Variants in DPP9 observed in about 807,000 individuals in gnomAD.
The protein encoded by DPP9 is dipeptidyl peptidase 9, also known as dipeptidyl peptidase IV-related protein-2.
In DPP9, 50 loss-of-function variants were observed where a neutral mutation model predicts 110.7. That is an observed-to-expected ratio of 0.45 (90% CI 0.36 to 0.57). The LOEUF is 0.57. Ranked by LOEUF, DPP9 falls within the 20% of genes least tolerant of loss-of-function variation. The pLI, the probability that DPP9 is intolerant of heterozygous loss-of-function variation, is 0.00. For synonymous variants in DPP9, 561 were observed against 514.4 expected, an observed-to-expected ratio of 1.09 and a Z score of -1.23; for missense variants, 1,022 against 1,217.9, an observed-to-expected ratio of 0.84 and a Z score of 2.39.
At chr19:4,683,130 G>A (rs1444853087) in intron 19 of DPP9, 11 of 1,468,402 alleles carry the variant, frequency 7.5e-6, no homozygotes, top group Non-Finnish European at 9.9e-6. Flanking sequence ...CCGCCGCCCC[G>A]CAGTGCCCTG....
In DPP9 at chr19:4,694,279, T is replaced by C; in HGVS notation, c.1516+382A>G. On this transcript the variant is annotated intron_variant, in intron 13 of 21. Coordinates refer to ENST00000262960, the MANE Select transcript of DPP9 (RefSeq NM_139159.5). This position sits in a 1 kb window ranked among gnomAD's most constrained non-coding sequence, Gnocchi z 4.0. ...AGTTTCTGCTGGGACTACCCAGTTC[T>C]GCTGCTGCAGCACAAAAGCGACCAC... 2.6e-6 allele frequency: 1 copy of C among 384,162 alleles called. No homozygotes were observed. Among genetic ancestry groups the C allele is most frequent in the Non-Finnish European group, 4.7e-6 (1 of 214,364 alleles). 23.8% of individuals were successfully genotyped at this position (384,162 alleles called of 1,614,324 possible). A position where few individuals can be genotyped will look rare whatever the true frequency, so the allele number is the denominator to read the frequency against.
chr19:4,719,737 G>T, intron 3 of DPP9, 114 bp downstream of exon 3: 2 of 1,245,474 alleles, frequency 1.6e-6, no homozygotes, highest in Non-Finnish European at 2.3e-6. Flanking sequence ...TTGGGGACGT[G>T]CTGGGGAAGC....
chr19:4,712,551 T>TA (rs879752631), intron 4 of DPP9, among the ~76,000 whole-genome samples: 117 of 145,800 alleles, frequency 8.0e-4, no homozygotes, highest in African/African-American at 2.1e-3. Context: ...ACCTCATCTC[T>TA]AAAAAAAAAA....
Position 4,679,527 on chromosome 19 carries a change from C to A in DPP9, c.2586+308G>T, listed in dbSNP as rs2089486007. The A allele has an allele frequency of 2.5e-5, 10 of 392,282 alleles. No individual in the cohort carries two copies. The South Asian group carries it at 2.9e-4, about 11-fold the overall frequency. The allele number at this position is 392,282 out of a possible 1,614,324, so 24.3% of individuals were successfully genotyped here. On this transcript the variant is annotated intron_variant, in intron 21 of 21. Transcript: ENST00000262960. ...CTCAGTTTCAAATAAAGCCCGTCTGCGGGGCAATTTCGGTAAGGGTTCCTC... is the reference window on the plus strand; with the variant it reads ...CTCAGTTTCAAATAAAGCCCGTCTGAGGGGCAATTTCGGTAAGGGTTCCTC...
At chr19:4,719,096 G>C (rs974919934) in intron 3 of DPP9, 2 of 152,030 alleles carry the variant, frequency 1.3e-5, no homozygotes, top group Non-Finnish European at 2.9e-5. Flanking sequence ...TTGGGAGGCC[G>C]AGGCGGGCAG....
intron 11 of DPP9, among the ~76,000 whole-genome samples, chr19:4,696,759 T>A (rs2145626045): frequency 6.8e-6 from 1 of 148,128 alleles, no homozygotes; most frequent in Non-Finnish European, 1.5e-5. Flanking sequence ...AAAAAAAAAA[T>A]TAAAATATTA....
At chr19:4,688,573 G>A (rs1023658280) in intron 16 of DPP9, 184 bp downstream of exon 16, 74 of 760,986 alleles carry the variant, frequency 9.7e-5, no homozygotes, top group South Asian at 7.8e-4. Context: ...GGACCGTCTC[G>A]GACGGCAGGG....
At position 4,700,788 on chromosome 19, in the gene DPP9, G is replaced by A. The variant is rs775993402; in HGVS notation, c.1013-511C>T. ...AAGGGACCCAAGAGGCTTCTGAAGAGTGGGACTTAGTTCAGGCTCCGAAAG... is the reference window on the plus strand; with the variant it reads ...AAGGGACCCAAGAGGCTTCTGAAGAATGGGACTTAGTTCAGGCTCCGAAAG... On this transcript the variant is annotated intron_variant, in intron 9 of 21. Coordinates refer to ENST00000262960, the MANE Select transcript of DPP9 (RefSeq NM_139159.5). This position sits in a 1 kb window ranked among gnomAD's most constrained non-coding sequence, Gnocchi z 4.3. 2.6e-5 allele frequency among the ~76,000 whole-genome samples: 4 copies of A among 152,238 alleles called. No individual in the cohort carries two copies. The highest frequency in any genetic ancestry group is 4.4e-5 in the Non-Finnish European group (3 of 68,032).
At position 4,685,281 on chromosome 19, in the gene DPP9, T is replaced by C; in HGVS notation, c.2031+345A>G. ...ATGGTCCAACTGCCAATCTGCTGCC[T>C]GCTTTTGACCCCTGCTCCAGGAATT... On this transcript the variant is annotated intron_variant, in intron 17 of 21. Coordinates refer to ENST00000262960, the MANE Select transcript of DPP9 (RefSeq NM_139159.5). This position sits in a 1 kb window ranked among gnomAD's most constrained non-coding sequence, Gnocchi z 5.8. The C allele has an allele frequency of 1.8e-6, 1 of 541,320 alleles. No individual in the cohort carries two copies. The highest frequency in any genetic ancestry group is 4.6e-5 in the East Asian group (1 of 21,672). 33.5% of individuals were successfully genotyped at this position (541,320 alleles called of 1,614,324 possible). A position where few individuals can be genotyped will look rare whatever the true frequency, so the allele number is the denominator to read the frequency against.
chr19:4,694,406 AACCCCTGGTTGTGCTAAGGGCCTG>A lies in DPP9; in HGVS notation c.1516+231_1516+254del, dbSNP rs2091606883. 5.5e-6 allele frequency: 3 copies of A among 542,648 alleles called. No homozygotes were observed. The highest frequency in any genetic ancestry group is 1.9e-5 in the African/African-American group (1 of 52,392). The allele number at this position is 542,648 out of a possible 1,614,324, so 33.6% of individuals were successfully genotyped here. A position where few individuals can be genotyped will look rare whatever the true frequency, so the allele number is the denominator to read the frequency against. ...TTTGACCTGTGGGCCGTAGGTGGCC[AACCCCTGGTTGTGCTAAGGGCCTG>A]GCACAGGGGAGGTGCTCAGTAAATC... On this transcript the variant is annotated intron_variant, in intron 13 of 21. Transcript: ENST00000262960. This position sits in a 1 kb window ranked among gnomAD's most constrained non-coding sequence, Gnocchi z 4.0.
In DPP9 at chr19:4,690,877, C is replaced by T; in HGVS notation, c.1596+1G>A. 1 of 1,612,010 alleles carries T rather than the reference C, an allele frequency of 6.2e-7. No homozygotes were observed. The highest frequency in any genetic ancestry group is 8.5e-7 in the Non-Finnish European group (1 of 1,179,012). ...GGAAGGCTGCAAGGAGACCCTGGTA[C>T]CTTGGAGCCGTGCCTCGCCAAAACC... On this transcript the variant is annotated splice_donor_variant, in intron 14 of 21. Transcript: ENST00000262960. LOFTEE classifies it high-confidence loss of function.
At chr19:4,683,770 C>A (rs781362350) in intron 18 of DPP9, 141 bp from the exon 19 acceptor site, 9 of 1,568,456 alleles carry the variant, frequency 5.7e-6, no homozygotes, top group Non-Finnish European at 6.9e-6. Context: ...CTTCCAGGCC[C>A]TGCTAACCCT....
chr19:4,684,936 C>T lies in DPP9; in HGVS notation c.2032-127G>A. On this transcript the variant is annotated intron_variant, in intron 17 of 21. Transcript: ENST00000262960. The surrounding 1 kb of genome is among the most constrained non-coding windows in gnomAD (Gnocchi z 4.8). ...TCAGAGCCTAATGAAAGCACCTGTG[C>T]CCCGGAGGCTCTGGATGGACACCTG... 1 of 1,262,932 alleles carries T rather than the reference C, an allele frequency of 7.9e-7. No individual in the cohort carries two copies. The highest frequency in any genetic ancestry group is 2.5e-5 in the East Asian group (1 of 39,472). The allele number at this position is 1,262,932 out of a possible 1,614,324, so 78.2% of individuals were successfully genotyped here.
rs551970088 is a variant in DPP9 at position 4,682,941 on chromosome 19, G to C, written c.2332-103C>G. On this transcript the variant is annotated intron_variant, in intron 19 of 21. Coordinates refer to ENST00000262960, the MANE Select transcript of DPP9 (RefSeq NM_139159.5). This position sits in a 1 kb window ranked among gnomAD's most constrained non-coding sequence, Gnocchi z 7.1. ...CTGTCCCGGGGCCGCCCTGGAGCCC[G>C]TGAGGAGCGCTCATGCACATGGGGC... is the stretch of plus-strand genomic sequence containing the variant. 9 of 1,535,058 alleles carry C rather than the reference G, an allele frequency of 5.9e-6. No homozygotes were observed. In the African/African-American group the frequency reaches 9.6e-5, roughly 16 times the overall value.
chr19:4,705,248 C>T (rs1453075534), intron 5 of DPP9, among the ~76,000 whole-genome samples: 1 of 152,176 alleles, frequency 6.6e-6, no homozygotes, highest in African/African-American at 2.4e-5. Flanking sequence ...ATTTTAGAGA[C>T]TGGGATTCGC....
intron 5 of DPP9, among the ~76,000 whole-genome samples, chr19:4,705,581 A>C (rs1328982082): frequency 6.6e-6 from 1 of 152,248 alleles, no homozygotes; most frequent in Non-Finnish European, 1.5e-5. Context: ...ATGATTAACC[A>C]GTCTCTCTAA....
At chr19:4,705,789 T>A in intron 5 of DPP9, 69 bp downstream of exon 5, 1 of 1,471,072 alleles carries the variant, frequency 6.8e-7, no homozygotes, top group Non-Finnish European at 9.5e-7. Flanking sequence ...AAGGCATGTA[T>A]GGCCTGTGGG....
At position 4,685,772 on chromosome 19, in the gene DPP9, C is replaced by G; in HGVS notation, c.1886-1G>C. On this transcript the variant is annotated splice_acceptor_variant, in intron 16 of 21. Coordinates refer to ENST00000262960, the MANE Select transcript of DPP9 (RefSeq NM_139159.5). LOFTEE classifies it high-confidence loss of function. The surrounding 1 kb of genome is among the most constrained non-coding windows in gnomAD (Gnocchi z 5.8). ...GGAGGAACATAATCCGGGGGGCAGC[C>G]TGCGGGAGACAGGGCGGCTATCTGG... 6.2e-7 allele frequency: 1 copy of G among 1,612,428 alleles called. No homozygotes were observed. The highest frequency in any genetic ancestry group is 8.5e-7 in the Non-Finnish European group (1 of 1,179,760).
rs2090243011 is a variant in DPP9 at position 4,683,647 on chromosome 19, G to T, written c.2179-18C>A. On this transcript the variant is annotated intron_variant, in intron 18 of 21. Transcript: ENST00000262960. ...ACCTGGCCCTGAGGGATGAAGCCGG[G>T]CACCTCTCAGTGGCCTCCTCCCGGT... 1 of 1,613,256 alleles carries T rather than the reference G, an allele frequency of 6.2e-7. No individual in the cohort carries two copies. The highest frequency in any genetic ancestry group is 8.5e-7 in the Non-Finnish European group (1 of 1,179,836).
Sources: gnomAD v4.1 joint callset for allele counts (sites outside exome capture counted in the v4.1 genomes callset) on GRCh38, gnomAD v4.1.1 for gene constraint, Gnocchi (gnomAD v3.1) non-coding constraint, MANE v1.5 for transcripts, NCBI Gene and HGNC (gene_info 2026-07-23, HGNC 2026-07-21) for gene names.